EXOC4: variants seen among roughly 807,000 people sequenced by gnomAD.
The protein encoded by EXOC4 is exocyst complex component 4.
Under a neutral mutation model 107.2 loss-of-function variants are expected in EXOC4, and 71 were observed. That is an observed-to-expected ratio of 0.66 (90% CI 0.55 to 0.81). The LOEUF is 0.81. EXOC4 is among the 30% of genes least tolerant of loss of function. The pLI is 0.00. For missense variants in EXOC4, 1,108 were observed against 1,189.6 expected, an observed-to-expected ratio of 0.93 and a Z score of 1.01; for synonymous variants, 456 against 441.2, an observed-to-expected ratio of 1.03 and a Z score of -0.42.
At chr7:133,379,757 A>G (rs976570138) in intron 7 of EXOC4, among the ~76,000 whole-genome samples, 1 of 152,088 alleles carries the variant, frequency 6.6e-6, no homozygotes, top group African/African-American at 2.4e-5. Context: ...ATTAGTTATG[A>G]TAATAAACAA....
intron 3 of EXOC4, among the ~76,000 whole-genome samples, chr7:133,299,869 TC>T (rs918725107): frequency 2.8e-4 from 43 of 152,330 alleles, no homozygotes; most frequent in African/African-American, 9.6e-4. Context: ...TTGACCTCAG[TC>T]CTTCTCCTCT....
intron 7 of EXOC4, among the ~76,000 whole-genome samples, chr7:133,439,771 G>A (rs577388299): frequency 1.1e-4 from 17 of 152,220 alleles, no homozygotes; most frequent in African/African-American, 4.1e-4. Flanking sequence ...CAAAGATGTA[G>A]GAGGAGATTA....
intron 14 of EXOC4, among the ~76,000 whole-genome samples, chr7:133,949,042 C>T (rs1800624637): frequency 6.6e-6 from 1 of 152,154 alleles, no homozygotes; most frequent in Non-Finnish European, 1.5e-5. Context: ...TTTAATAATA[C>T]ACTTTAAAAG....
chr7:133,971,361 T>TAGAGAGAGAGAGAGAG (rs1186165891), intron 14 of EXOC4, among the ~76,000 whole-genome samples: 1 of 75,088 alleles, frequency 1.3e-5, no homozygotes, highest in Non-Finnish European at 2.4e-5. Context: ...TATATATATA[T>TAGAGAGAGAGAGAGAG]AGAGAGAGAG....
At chr7:134,016,824 A>G (rs1030742134) in intron 17 of EXOC4, among the ~76,000 whole-genome samples, 8 of 152,170 alleles carry the variant, frequency 5.3e-5, no homozygotes, top group Non-Finnish European at 4.4e-5. Flanking sequence ...GGAATGACCA[A>G]AGTGTAGTTT....
the EXOC4 span, among the ~76,000 whole-genome samples, chr7:134,091,957 T>C: frequency 6.6e-6 from 1 of 152,232 alleles, no homozygotes; most frequent in Non-Finnish European, 1.5e-5. Context: ...GAATTTCATA[T>C]TTAGACTTGG....
chr7:133,932,843 A>G (rs1207982193), intron 13 of EXOC4, among the ~76,000 whole-genome samples: 3 of 151,972 alleles, frequency 2.0e-5, no homozygotes, highest in African/African-American at 7.3e-5. Flanking sequence ...CTAGGCTCTT[A>G]GGGCAGTTAT....
At chr7:133,441,839 T>C (rs1273642479) in intron 7 of EXOC4, among the ~76,000 whole-genome samples, 2 of 152,166 alleles carry the variant, frequency 1.3e-5, no homozygotes. Flanking sequence ...GTGGGGGGTG[T>C]GTGTGTGTAT....
At chr7:134,059,909 T>A (rs1008047554) in intron 17 of EXOC4, among the ~76,000 whole-genome samples, 3 of 152,212 alleles carry the variant, frequency 2.0e-5, no homozygotes, top group Non-Finnish European at 4.4e-5. Context: ...TTTAAAACTT[T>A]AAAAAGATCT....
chr7:133,254,525 A>G (rs2076544277), intron 1 of EXOC4, among the ~76,000 whole-genome samples: 1 of 152,156 alleles, frequency 6.6e-6, no homozygotes, highest in Admixed American at 6.5e-5. Flanking sequence ...TCCTTTTTTG[A>G]ACTTGTTTGT....
chr7:133,886,399 T>C (rs1339771140), intron 11 of EXOC4, among the ~76,000 whole-genome samples: 6 of 152,212 alleles, frequency 3.9e-5, no homozygotes, highest in East Asian at 3.8e-4. Context: ...TCCTTATTCA[T>C]TCACTGATTA....
intron 12 of EXOC4, among the ~76,000 whole-genome samples, chr7:133,911,158 C>T (rs1799684599): frequency 6.6e-6 from 1 of 152,156 alleles, no homozygotes; most frequent in Non-Finnish European, 1.5e-5. Flanking sequence ...CTGTCTGTGG[C>T]TCATTGAGCT....
At chr7:133,289,564 A>T (rs1794358542) in intron 3 of EXOC4, among the ~76,000 whole-genome samples, 1 of 152,136 alleles carries the variant, frequency 6.6e-6, no homozygotes, top group African/African-American at 2.4e-5. Flanking sequence ...ATTTTGGGAG[A>T]CTAATACTGG....
intron 5 of EXOC4, among the ~76,000 whole-genome samples, chr7:133,344,875 T>A (rs1221532466): frequency 1.3e-5 from 2 of 152,212 alleles, no homozygotes; most frequent in Non-Finnish European, 1.5e-5. Flanking sequence ...TTCTGGCAGA[T>A]CAGGGACAGA....
At chr7:133,318,768 T>A (rs1795045679) in intron 5 of EXOC4, among the ~76,000 whole-genome samples, 2 of 152,336 alleles carry the variant, frequency 1.3e-5, no homozygotes, top group Non-Finnish European at 2.9e-5. Context: ...TCTTCAAGTT[T>A]ATTACTTTAA....
intron 10 of EXOC4, among the ~76,000 whole-genome samples, chr7:133,783,260 C>T (rs190631449): frequency 3.9e-4 from 60 of 152,256 alleles, no homozygotes; most frequent in Admixed American, 7.2e-4. Flanking sequence ...AAGATGTCTT[C>T]ATAGCATCCT....
At chr7:133,816,366 TAATA>T (rs1216174827) in intron 10 of EXOC4, among the ~76,000 whole-genome samples, 1 of 152,302 alleles carries the variant, frequency 6.6e-6, no homozygotes, top group Non-Finnish European at 1.5e-5. Flanking sequence ...ATAAGAATTT[TAATA>T]AATCTATACT....
rs115472614 is a variant in EXOC4, at chr7:133,621,905, G to A, written c.1418-8140G>A. On this transcript the variant is annotated intron_variant, in intron 9 of 17. Transcript: ENST00000253861. ...ATGATTAGAAATGTGGAAATGATCTGTGGTAACAGTAACAGAAGCAAGAAA... is the reference window on the plus strand; with the variant it reads ...ATGATTAGAAATGTGGAAATGATCTATGGTAACAGTAACAGAAGCAAGAAA... 3.8e-3 allele frequency among the ~76,000 whole-genome samples: 584 copies of A among 152,296 alleles called. 5 individuals are homozygous for A. The highest frequency in any genetic ancestry group is 0.013 in the African/African-American group (526 of 41,560).
At chr7:133,922,299 C>A (rs995733041) in intron 13 of EXOC4, among the ~76,000 whole-genome samples, 1 of 152,114 alleles carries the variant, frequency 6.6e-6, no homozygotes, top group Non-Finnish European at 1.5e-5. Context: ...GCCTTCTCGT[C>A]CTCCTTCTTT....
Sources: gnomAD v4.1 joint callset for allele counts (sites outside exome capture counted in the v4.1 genomes callset) on GRCh38, gnomAD v4.1.1 for gene constraint, MANE v1.5 for transcripts, NCBI Gene and HGNC (gene_info 2026-07-23, HGNC 2026-07-21) for gene names.